Variants in IQSEC1 observed in about 807,000 individuals in gnomAD.
IQSEC1 encodes the protein IQ motif and SEC7 domain-containing protein 1.
In IQSEC1, 31 loss-of-function variants were observed where a neutral mutation model predicts 91.0. That is an observed-to-expected ratio of 0.34 (90% CI 0.26 to 0.46). The LOEUF is 0.46. Ranked by LOEUF, IQSEC1 falls within the 20% of genes least tolerant of loss-of-function variation. IQSEC1 has a pLI of 1.00. For synonymous variants in IQSEC1, 699 were observed against 662.6 expected, an observed-to-expected ratio of 1.05 and a Z score of -0.84; for missense variants, 1,388 against 1,575.6, an observed-to-expected ratio of 0.88 and a Z score of 2.02.
intron 2 of IQSEC1, among the ~76,000 whole-genome samples, chr3:13,096,949 C>A (rs1215747316): frequency 6.6e-6 from 1 of 151,884 alleles, no homozygotes; most frequent in Non-Finnish European, 1.5e-5. Flanking sequence ...CAAGCTCCAC[C>A]TCCAGGGTTC....
At position 12,900,368 on chromosome 3, in the gene IQSEC1, A is replaced by G; in HGVS notation, c.*615T>C. ...CCAGCTAAGGTACTGTCTTCCTATT[A>G]GGTAAGTGGAGCTCCTTGTAAGGTG... On this transcript the variant is annotated 3_prime_UTR_variant, in exon 14 of 14. Coordinates refer to ENST00000613206, the MANE Select transcript of IQSEC1 (RefSeq NM_001134382.3). The G allele has an allele frequency of 1.0e-6, 1 of 984,934 alleles. No individual in the cohort carries two copies. The highest frequency in any genetic ancestry group is 4.7e-5 in the South Asian group (1 of 21,274). 61.0% of individuals were successfully genotyped at this position (984,934 alleles called of 1,614,324 possible).
intron 2 of IQSEC1, among the ~76,000 whole-genome samples, chr3:13,163,427 A>G (rs1707215784): frequency 6.6e-6 from 1 of 152,176 alleles, no homozygotes; most frequent in Admixed American, 6.5e-5. Context: ...CCCCAGCCTC[A>G]CCATGCTGAC....
At chr3:12,928,863 G>A (rs1697390785) in intron 3 of IQSEC1, among the ~76,000 whole-genome samples, 1 of 152,168 alleles carries the variant, frequency 6.6e-6, no homozygotes, top group Admixed American at 6.5e-5. Context: ...TGTGAGCTGA[G>A]GGGTCTGTGT....
At chr3:13,179,192 T>C (rs1464574342) in intron 1 of IQSEC1, among the ~76,000 whole-genome samples, 2 of 152,232 alleles carry the variant, frequency 1.3e-5, no homozygotes, top group Non-Finnish European at 2.9e-5. Flanking sequence ...TCTCAGTTGT[T>C]GGCTCTCTGT....
At chr3:13,053,113 G>A (rs1704749620) in intron 1 of IQSEC1, 1 of 880,048 alleles carries the variant, frequency 1.1e-6, no homozygotes, top group Admixed American at 1.7e-5. Context: ...AAAGTCTTGT[G>A]AGAAGACATG....
intron 1 of IQSEC1, among the ~76,000 whole-genome samples, chr3:12,952,206 C>T (rs1244890288): frequency 3.9e-5 from 6 of 152,162 alleles, no homozygotes; most frequent in Non-Finnish European, 7.3e-5. Context: ...AGAAACCGGA[C>T]ATCCCGCTGT....
At chr3:13,187,168 CTGAG>C (rs944509516) in intron 1 of IQSEC1, among the ~76,000 whole-genome samples, 2 of 152,218 alleles carry the variant, frequency 1.3e-5, no homozygotes, top group Non-Finnish European at 2.9e-5. Context: ...CAAACCCCTA[CTGAG>C]TATCTACTAT....
chr3:13,279,962 G>T (rs559794593), intron 1 of IQSEC1, among the ~76,000 whole-genome samples: 1 of 152,322 alleles, frequency 6.6e-6, no homozygotes, highest in East Asian at 1.9e-4. Context: ...CCTGTGCTCA[G>T]TTGGCCCAAA....
At chr3:13,149,537 C>G (rs549672541) in intron 2 of IQSEC1, among the ~76,000 whole-genome samples, 16 of 151,990 alleles carry the variant, frequency 1.1e-4, no homozygotes, top group African/African-American at 3.4e-4. Flanking sequence ...AGGGTGTCCC[C>G]GGGGGAGGAC....
At chr3:12,986,921 C>A in intron 1 of IQSEC1, 1 of 330,192 alleles carries the variant, frequency 3.0e-6, no homozygotes, top group Non-Finnish European at 6.1e-6. Flanking sequence ...ATTTTATTTT[C>A]CAGCTAGAGA....
At chr3:13,046,345 G>A (rs2125052634) in intron 1 of IQSEC1, among the ~76,000 whole-genome samples, 1 of 152,354 alleles carries the variant, frequency 6.6e-6, no homozygotes, top group Middle Eastern at 3.4e-3. Flanking sequence ...TGTACCACTT[G>A]GCTGTGTCCT....
At chr3:13,136,583 C>G (rs1055378802) in intron 2 of IQSEC1, among the ~76,000 whole-genome samples, 1 of 152,148 alleles carries the variant, frequency 6.6e-6, no homozygotes, top group African/African-American at 2.4e-5. Flanking sequence ...CATGTGTCCA[C>G]AGAAAAGGAG....
intron 1 of IQSEC1, among the ~76,000 whole-genome samples, chr3:13,174,507 C>T (rs914509309): frequency 1.3e-5 from 2 of 152,138 alleles, no homozygotes; most frequent in Admixed American, 6.6e-5. Context: ...CCCGTCCCAG[C>T]GCTCAGGCAA....
In IQSEC1 at chr3:12,900,225, CAGTT is replaced by C. The variant is rs964104295; in HGVS notation, c.*754_*757del. 76 of 983,258 alleles carry C rather than the reference CAGTT, an allele frequency of 7.7e-5. No homozygotes were observed. The highest frequency in any genetic ancestry group is 8.7e-5 in the Non-Finnish European group (72 of 828,144). 60.9% of individuals were successfully genotyped at this position (983,258 alleles called of 1,614,324 possible). On this transcript the variant is annotated 3_prime_UTR_variant, in exon 14 of 14. Transcript: ENST00000613206. The stretch of plus-strand genomic sequence containing the variant: ...CAGTTAGATGCTATGTTACTTGGCA[CAGTT>C]AGTAATGATTGTGTAAAGATTTTAG...
intron 1 of IQSEC1, among the ~76,000 whole-genome samples, chr3:13,011,948 T>G (rs1702901551): frequency 9.7e-6 from 1 of 103,590 alleles, no homozygotes; most frequent in Non-Finnish European, 2.0e-5. Context: ...CGTGGGGGAC[T>G]CACTTAAGAA....
At chr3:13,258,445 G>C (rs1276641949) in intron 1 of IQSEC1, among the ~76,000 whole-genome samples, 1 of 152,186 alleles carries the variant, frequency 6.6e-6, no homozygotes, top group Non-Finnish European at 1.5e-5. Flanking sequence ...ACTTTGGAAG[G>C]CCGAGATGGG....
Position 13,112,987 on chromosome 3 carries a change from A to C in IQSEC1, c.302+51117T>G, listed in dbSNP as rs139992797. ...GATTAAAAAGCGGCTGGCGCATCAT[A>C]AACTCACTGTGAGCATCAGTCACCG... is the stretch of plus-strand genomic sequence containing the variant. On this transcript the variant is annotated intron_variant, in intron 2 of 15. Coordinates refer to the IQSEC1 transcript ENST00000648114. 2.3e-3 allele frequency among the ~76,000 whole-genome samples: 353 copies of C among 152,374 alleles called. 1 individual carries two copies. The highest frequency in any genetic ancestry group is 8.1e-3 in the African/African-American group (336 of 41,596).
At chr3:13,258,102 A>AT (rs1695322965) in intron 1 of IQSEC1, among the ~76,000 whole-genome samples, 1 of 152,130 alleles carries the variant, frequency 6.6e-6, no homozygotes, top group Non-Finnish European at 1.5e-5. Context: ...AGCACAGAGG[A>AT]TTTTGCGGGG....
intron 2 of IQSEC1, among the ~76,000 whole-genome samples, chr3:13,087,042 C>G (rs1705748409): frequency 6.6e-6 from 1 of 152,204 alleles, no homozygotes; most frequent in South Asian, 2.1e-4. Context: ...CATTCACCCC[C>G]AGCTGGTTCA....
Sources: allele counts gnomAD v4.1 joint callset (sites outside exome capture counted in the v4.1 genomes callset), GRCh38; gene constraint gnomAD v4.1.1; transcripts MANE v1.5; gene names NCBI Gene and HGNC (gene_info 2026-07-23, HGNC 2026-07-21).